The following NRXN1 variants were observed in gnomAD, a reference collection of about 807,000 sequenced individuals.
The protein encoded by NRXN1 is neurexin 1.
A neutral mutation model predicts 150.9 loss-of-function variants in NRXN1; 39 were observed. That is an observed-to-expected ratio of 0.26 (90% CI 0.20 to 0.34). The LOEUF is 0.34. Among genes scored for constraint, NRXN1 ranks in the 10% least tolerant of loss-of-function variants. The probability of loss-of-function intolerance (pLI) is 1.00; values close to 1 mark genes in which losing one functional copy is unlikely to be tolerated. For synonymous variants in NRXN1, 924 were observed against 757.0 expected (o/e 1.22, Z -3.62); for missense variants, 1,815 against 1,949.9 (o/e 0.93, Z 1.30).
chr2:50,181,327 C>A (rs527860456), intron 18 of NRXN1, among the ~76,000 whole-genome samples: 1 of 151,746 alleles, frequency 6.6e-6, no homozygotes, highest in South Asian at 2.1e-4. Flanking sequence ...AAAAAAAATA[C>A]CCTGTTTATT....
chr2:50,815,332 T>C (rs1387851599), intron 5 of NRXN1, among the ~76,000 whole-genome samples: 2 of 152,176 alleles, frequency 1.3e-5, no homozygotes, highest in Non-Finnish European at 2.9e-5. Context: ...CTTTTCTAAA[T>C]CCCATTAGAA....
At chr2:50,071,031 T>C (rs1452774) in intron 19 of NRXN1, among the ~76,000 whole-genome samples, 5,524 of 152,256 alleles carry the variant, frequency 0.036, 342 homozygotes, top group African/African-American at 0.13. Context: ...AGATATCCTA[T>C]CAAATTTGAG....
intron 22 of NRXN1, among the ~76,000 whole-genome samples, chr2:49,933,724 G>T (rs75363522): frequency 6.6e-6 from 1 of 152,184 alleles, no homozygotes; most frequent in Non-Finnish European, 1.5e-5. Context: ...TGAGGAGGAT[G>T]AGGACTTTGT....
chr2:50,792,926 TGATATTA>T (rs989758221), intron 5 of NRXN1, among the ~76,000 whole-genome samples: 6 of 152,138 alleles, frequency 3.9e-5, no homozygotes, highest in Non-Finnish European at 7.4e-5. Flanking sequence ...ATTTGAGCAC[TGATATTA>T]CTGGTTCTAA....
At chr2:49,988,187 A>G (rs549649791) in intron 21 of NRXN1, among the ~76,000 whole-genome samples, 2 of 151,714 alleles carry the variant, frequency 1.3e-5, no homozygotes, top group African/African-American at 2.4e-5. Flanking sequence ...GTTTTCTTAC[A>G]TAATAAATAA....
chr2:50,373,701 AAGAAAGAAAGAGAAAGAAAGAC>A (rs1558620671), intron 17 of NRXN1, among the ~76,000 whole-genome samples: 6 of 137,914 alleles, frequency 4.4e-5, no homozygotes, highest in East Asian at 2.6e-4. Context: ...GAAAGAAAGA[AAGAAAGAAAGAGAAAGAAAGAC>A]AGACAGACTA....
chr2:50,226,129 A>G (rs2064349485), intron 18 of NRXN1, among the ~76,000 whole-genome samples: 1 of 151,992 alleles, frequency 6.6e-6, no homozygotes, highest in South Asian at 2.1e-4. Context: ...CTGGTTTTGC[A>G]GCTCACTAGT....
At chr2:51,001,245 G>T (rs557998144) in intron 2 of NRXN1, among the ~76,000 whole-genome samples, 1 of 133,732 alleles carries the variant, frequency 7.5e-6, no homozygotes, top group Non-Finnish European at 1.6e-5. Flanking sequence ...GGGGGGGGGG[G>T]GCGTTTGTCA....
intron 21 of NRXN1, among the ~76,000 whole-genome samples, chr2:50,045,154 T>C (rs1159005597): frequency 1.1e-5 from 1 of 94,786 alleles, no homozygotes; most frequent in African/African-American, 3.9e-5. Context: ...TTTTCAGTGA[T>C]ACCAACAACA....
chr2:51,020,059 T>G (rs965183037), intron 2 of NRXN1, among the ~76,000 whole-genome samples: 3 of 144,468 alleles, frequency 2.1e-5, no homozygotes, highest in African/African-American at 7.7e-5. Context: ...ATTTGAAAGG[T>G]TTTTTTTTTT....
chr2:50,507,776 G>GAATTTTT (rs1238001530), intron 12 of NRXN1, among the ~76,000 whole-genome samples: 1 of 151,724 alleles, frequency 6.6e-6, no homozygotes, highest in Non-Finnish European at 1.5e-5. Context: ...GTTTGGTAAT[G>GAATTTTT]AATTTTTTCC....
chr2:50,291,539 T>C (rs1015074140), intron 17 of NRXN1, among the ~76,000 whole-genome samples: 1 of 152,136 alleles, frequency 6.6e-6, no homozygotes, highest in Non-Finnish European at 1.5e-5. Flanking sequence ...TCCCTGGAAC[T>C]GAGACTCCCT....
intron 21 of NRXN1, among the ~76,000 whole-genome samples, chr2:49,977,449 G>A (rs2152503230): frequency 6.6e-6 from 1 of 152,298 alleles, no homozygotes; most frequent in Admixed American, 6.5e-5. Context: ...CAACAGTGCT[G>A]AGATAGAGAA....
At chr2:49,939,861 A>C (rs949289922) in intron 22 of NRXN1, among the ~76,000 whole-genome samples, 3 of 152,210 alleles carry the variant, frequency 2.0e-5, no homozygotes, top group Non-Finnish European at 4.4e-5. Flanking sequence ...GTAGGTATAT[A>C]GTGACACTCA....
chr2:50,066,817 T>C (rs1008339545), intron 19 of NRXN1, among the ~76,000 whole-genome samples: 3 of 152,176 alleles, frequency 2.0e-5, no homozygotes, highest in Non-Finnish European at 2.9e-5. Flanking sequence ...AAATTAATGG[T>C]GACCTTTTTT....
intron 8 of NRXN1, among the ~76,000 whole-genome samples, chr2:50,564,709 C>G (rs971770549): frequency 3.9e-5 from 6 of 152,068 alleles, no homozygotes; most frequent in Non-Finnish European, 8.8e-5. Flanking sequence ...TTGTTCATTT[C>G]TAACTAAAAG....
intron 21 of NRXN1, among the ~76,000 whole-genome samples, chr2:50,048,458 T>G (rs1692182883): frequency 6.6e-6 from 1 of 152,140 alleles, no homozygotes; most frequent in Non-Finnish European, 1.5e-5. Flanking sequence ...TTAATAAAAA[T>G]AAAATTTTGT....
intron 17 of NRXN1, among the ~76,000 whole-genome samples, chr2:50,315,396 T>C (rs1399120690): frequency 2.0e-5 from 3 of 152,134 alleles, no homozygotes; most frequent in African/African-American, 7.2e-5. Flanking sequence ...GGATGGAACA[T>C]AGCAGTCTGC....
At chr2:50,635,060 T>C (rs886610152) in intron 5 of NRXN1, among the ~76,000 whole-genome samples, 1 of 152,160 alleles carries the variant, frequency 6.6e-6, no homozygotes, top group Non-Finnish European at 1.5e-5. Flanking sequence ...TTGTGAGTAA[T>C]ACCGGCTAGG....
Sources: gnomAD v4.1 joint callset for allele counts (sites outside exome capture counted in the v4.1 genomes callset) on GRCh38, gnomAD v4.1.1 for gene constraint, MANE v1.5 for transcripts, NCBI Gene and HGNC (gene_info 2026-07-23, HGNC 2026-07-21) for gene names.